The following PRMT8 variants were observed in gnomAD, a reference collection of about 807,000 sequenced individuals.
The protein encoded by PRMT8 is protein arginine N-methyltransferase 8.
In PRMT8, 7 loss-of-function variants were observed where a neutral mutation model predicts 47.1. The observed-to-expected ratio is 0.15, with a 90% confidence interval of 0.08 to 0.28. The LOEUF is 0.28. Among genes scored for constraint, PRMT8 ranks in the 10% least tolerant of loss-of-function variants. The probability of loss-of-function intolerance (pLI) is 1.00; values close to 1 mark genes in which losing one functional copy is unlikely to be tolerated. For missense variants in PRMT8, 237 were observed against 505.4 expected (o/e 0.47, Z 5.09); for synonymous variants, 188 against 186.5 (o/e 1.01, Z -0.07).
At chr12:3,395,988 A>G (rs1286782037) in intron 1 of PRMT8, among the ~76,000 whole-genome samples, 3 of 150,940 alleles carry the variant, frequency 2.0e-5, no homozygotes, top group Non-Finnish European at 4.5e-5. Flanking sequence ...GTCTCTTTTG[A>G]TCTTTGTTGG....
chr12:3,592,645 A>G (rs1037800190), intron 9 of PRMT8, among the ~76,000 whole-genome samples: 11 of 152,046 alleles, frequency 7.2e-5, no homozygotes, highest in African/African-American at 2.2e-4. Context: ...GTCCTACCTC[A>G]TTTAGTAAGA....
At chr12:3,489,815 ACACACACACACACACACACGCGCG>A (rs1217443093), upstream of PRMT8, among the ~76,000 whole-genome samples, 18 of 140,308 alleles carry the variant, frequency 1.3e-4, no homozygotes, top group East Asian at 3.1e-3. Flanking sequence ...TTTCACACAC[ACACACACACACACACACACGCGCG>A]CACACACACA....
chr12:3,509,707 A>G (rs1301682865), intron 1 of PRMT8, among the ~76,000 whole-genome samples: 2 of 152,226 alleles, frequency 1.3e-5, no homozygotes, highest in African/African-American at 4.8e-5. Context: ...TTGAGGCTGT[A>G]TCAGTCACAG....
Position 3,496,229 on chromosome 12 carries a change from T to TTTTA in PRMT8, c.75+4532_75+4533insATTT, listed in dbSNP as rs1565423299. Among the ~76,000 whole-genome samples, 3 of 127,008 alleles carry TTTTA rather than the reference T, an allele frequency of 2.4e-5. No individual in the cohort carries two copies. The East Asian group carries it at 6.9e-4, about 29-fold the overall frequency. 83.3% of individuals were successfully genotyped at this position (127,008 alleles called of 152,430 possible). A position where few individuals can be genotyped will look rare whatever the true frequency, so the allele number is the denominator to read the frequency against. On this transcript the variant is annotated intron_variant, in intron 1 of 9. Coordinates refer to ENST00000382622, the MANE Select transcript of PRMT8 (RefSeq NM_019854.5). The stretch of plus-strand genomic sequence containing the variant: ...ATATATATATATTTTTTTTTTTTTT[T>TTTTA]TTTTTTTTTTTGAATGTTCTGTTGA...
At chr12:3,568,375 A>G (rs1014100264) in intron 4 of PRMT8, among the ~76,000 whole-genome samples, 1 of 133,734 alleles carries the variant, frequency 7.5e-6, no homozygotes, top group Admixed American at 7.4e-5. Context: ...GTGTTCGTGG[A>G]CCTGTGCAGT....
At chr12:3,495,295 A>G (rs1342284422) in intron 1 of PRMT8, among the ~76,000 whole-genome samples, 3 of 152,184 alleles carry the variant, frequency 2.0e-5, no homozygotes, top group Non-Finnish European at 4.4e-5. Flanking sequence ...ATGCTGTCCT[A>G]TTGCCTACAG....
At chr12:3,515,589 C>T (rs765048593) in intron 1 of PRMT8, among the ~76,000 whole-genome samples, 41 of 152,328 alleles carry the variant, frequency 2.7e-4, no homozygotes, top group Admixed American at 1.8e-3. Context: ...CCTCTGGGGA[C>T]GGGGCCAGCA....
At chr12:3,544,629 G>T (rs185891130) in intron 2 of PRMT8, among the ~76,000 whole-genome samples, 1 of 152,344 alleles carries the variant, frequency 6.6e-6, no homozygotes, top group African/African-American at 2.4e-5. Flanking sequence ...GGTCTGGGCA[G>T]TGTGGCTCGC....
At chr12:3,590,138 C>T (rs1010780215) in intron 8 of PRMT8, among the ~76,000 whole-genome samples, 5 of 152,248 alleles carry the variant, frequency 3.3e-5, no homozygotes, top group African/African-American at 1.2e-4. Context: ...AAGGGATAGA[C>T]TGCACATTCA....
In PRMT8 at chr12:3,436,653, T is replaced by C. The variant is rs981774923; in HGVS notation, c.48+55211T>C. 4.6e-5 allele frequency among the ~76,000 whole-genome samples: 7 copies of C among 152,146 alleles called. No individual in the cohort carries two copies. The highest frequency in any genetic ancestry group is 1.4e-4 in the African/African-American group (6 of 41,434). ...GTTTCAGCTGGGTGCATGGCCATAA[T>C]TGGGTTACGGGGCTGCTAATATGAT... On this transcript the variant is annotated intron_variant, in intron 1 of 9. Coordinates refer to the PRMT8 transcript ENST00000452611. The surrounding 1 kb of genome is among the most constrained non-coding windows in gnomAD (Gnocchi z 4.2).
At chr12:3,480,519 A>G (rs750387899) in intron 1 of PRMT8, among the ~76,000 whole-genome samples, 1 of 152,188 alleles carries the variant, frequency 6.6e-6, no homozygotes, top group Non-Finnish European at 1.5e-5. Flanking sequence ...GGGCAGAAGC[A>G]TACCTTAACC....
chr12:3,399,404 G>A (rs953074700), intron 1 of PRMT8, among the ~76,000 whole-genome samples: 1 of 152,150 alleles, frequency 6.6e-6, no homozygotes, highest in Non-Finnish European at 1.5e-5. Flanking sequence ...GGGGACTGGA[G>A]GGAGAAACTT....
At chr12:3,581,467 TTCAGCAAGCACTAGGTGGGTGC>T (rs753955716) in intron 7 of PRMT8, among the ~76,000 whole-genome samples, 1 of 152,134 alleles carries the variant, frequency 6.6e-6, no homozygotes, top group Non-Finnish European at 1.5e-5. Context: ...CCTAAAGGTG[TTCAGCAAGCACTAGGTGGGTGC>T]TCAGCAAGCA....
rs529853597 is a variant in PRMT8 at position 3,399,122 on chromosome 12, C to G, written c.48+17680C>G. ...AACTGAAAGGGCTCGTTGGCTCTCC[C>G]CACCATACTTCTGTTGCTTCATTGT... is the stretch of plus-strand genomic sequence containing the variant. On this transcript the variant is annotated intron_variant, in intron 1 of 9. Coordinates refer to the PRMT8 transcript ENST00000452611. Among the ~76,000 whole-genome samples the G allele has an allele frequency of 2.0e-5, 3 of 152,282 alleles. No individual in the cohort carries two copies. The South Asian group carries it at 6.2e-4, about 32-fold the overall frequency.
At chr12:3,565,124 A>G (rs927821712) in intron 4 of PRMT8, among the ~76,000 whole-genome samples, 1 of 152,194 alleles carries the variant, frequency 6.6e-6, no homozygotes, top group Non-Finnish European at 1.5e-5. Flanking sequence ...ACTTGGAGGC[A>G]CCATCTTTTT....
chr12:3,496,212 A>ATTTTTTTTTTTTTTTTTTTTTTTT (rs1444249290), intron 1 of PRMT8, among the ~76,000 whole-genome samples: 7 of 19,396 alleles, frequency 3.6e-4, no homozygotes, highest in Middle Eastern at 0.031. Context: ...ATATATATAT[A>ATTTTTTTTTTTTTTTTTTTTTTTT]TATTTTTTTT....
intron 2 of PRMT8, among the ~76,000 whole-genome samples, chr12:3,549,662 T>G (rs1375793115): frequency 1.3e-5 from 2 of 152,214 alleles, no homozygotes; most frequent in South Asian, 4.1e-4. Flanking sequence ...CTTTGGTCCT[T>G]TAGTAAATCA....
chr12:3,577,071 A>G (rs1866958890), intron 7 of PRMT8, 85 bp downstream of exon 7: 5 of 1,150,508 alleles, frequency 4.3e-6, no homozygotes, highest in Non-Finnish European at 6.5e-6. Context: ...CGGCTCCTGC[A>G]CAGCCCCCAC....
intron 6 of PRMT8, chr12:3,574,118 C>T (rs915950836): frequency 6.6e-6 from 1 of 152,180 alleles, no homozygotes; most frequent in African/African-American, 2.4e-5. Context: ...ACAGTGCAGG[C>T]ATTAAATGTT....
Sources: gnomAD v4.1 joint callset for allele counts (sites outside exome capture counted in the v4.1 genomes callset) on GRCh38, gnomAD v4.1.1 for gene constraint, Gnocchi (gnomAD v3.1) non-coding constraint, MANE v1.5 for transcripts, NCBI Gene and HGNC (gene_info 2026-07-23, HGNC 2026-07-21) for gene names.